Variants in RBBP8 observed in about 807,000 individuals in gnomAD.
The protein encoded by RBBP8 is DNA endonuclease RBBP8.
In RBBP8, 88 loss-of-function variants were observed where a neutral mutation model predicts 108.3. The ratio of observed to expected loss-of-function variants is 0.81; its 90% confidence interval spans 0.68 to 0.97. The LOEUF is 0.97. Among genes scored for constraint, RBBP8 ranks in the 50% least tolerant of loss-of-function variants. The probability of loss-of-function intolerance (pLI) is 0.00; values close to 1 mark genes in which losing one functional copy is unlikely to be tolerated. For missense variants in RBBP8, 1,023 were observed against 1,049.0 expected, an observed-to-expected ratio of 0.98 and a Z score of 0.34; for synonymous variants, 332 against 348.2, an observed-to-expected ratio of 0.95 and a Z score of 0.52.
At chr18:22,993,937 G>C in intron 12 of RBBP8, 90 bp downstream of exon 12, 1 of 1,366,586 alleles carries the variant, frequency 7.3e-7, no homozygotes, top group South Asian at 1.3e-5. Context: ...GAATTGTTTT[G>C]GAAAAAAACT....
chr18:22,943,450 ATT>A (rs1191707797), intron 2 of RBBP8, among the ~76,000 whole-genome samples: 126 of 151,838 alleles, frequency 8.3e-4, no homozygotes, highest in African/African-American at 3.0e-3. Context: ...TAATAATAAT[ATT>A]ATTATTATTA....
intron 2 of RBBP8, among the ~76,000 whole-genome samples, chr18:22,915,804 T>C (rs1300926827): frequency 6.6e-6 from 1 of 152,070 alleles, no homozygotes; most frequent in African/African-American, 2.4e-5. Context: ...GATTCTAATT[T>C]ATTTATTGAG....
rs560494621 is a variant in RBBP8 at position 22,918,025 on chromosome 18, T to A, written c.-154+999T>A. On this transcript the variant is annotated intron_variant, in intron 3 of 4. Transcript: ENST00000577588. ...AAAAAAAAAAAAAAACATATAATGTTGGAAAATATTTTAACCTTCTTAAAT... is the reference window on the plus strand; with the variant it reads ...AAAAAAAAAAAAAAACATATAATGTAGGAAAATATTTTAACCTTCTTAAAT... 9.2e-5 allele frequency among the ~76,000 whole-genome samples: 14 copies of A among 151,990 alleles called. No individual in the cohort carries two copies. In the South Asian group the frequency reaches 2.9e-3, roughly 32 times the overall value.
At chr18:22,931,264 A>G (rs1352754132), upstream of RBBP8, among the ~76,000 whole-genome samples, 1 of 152,168 alleles carries the variant, frequency 6.6e-6, no homozygotes, top group East Asian at 1.9e-4. Flanking sequence ...GGCAGAGACA[A>G]TAGCACGCAA....
intron 3 of RBBP8, among the ~76,000 whole-genome samples, chr18:22,923,236 C>T (rs1310061520): frequency 3.3e-5 from 5 of 152,200 alleles, no homozygotes; most frequent in Non-Finnish European, 7.4e-5. Flanking sequence ...GATCAACAAC[C>T]AAAGTACAGA....
At chr18:22,930,712 T>G (rs2144360351), upstream of RBBP8, among the ~76,000 whole-genome samples, 1 of 152,288 alleles carries the variant, frequency 6.6e-6, no homozygotes, top group East Asian at 1.9e-4. Flanking sequence ...AATATTGATT[T>G]GGTGGCAGAC....
chr18:22,963,187 TTA>T (rs1231732396), intron 4 of RBBP8, among the ~76,000 whole-genome samples: 7 of 152,196 alleles, frequency 4.6e-5, no homozygotes, highest in Non-Finnish European at 7.3e-5. Flanking sequence ...TTAAAAATGT[TTA>T]TGAGCTATCT....
At chr18:22,953,778 C>T (rs899449368) in intron 4 of RBBP8, among the ~76,000 whole-genome samples, 1 of 151,354 alleles carries the variant, frequency 6.6e-6, no homozygotes, top group Non-Finnish European at 1.5e-5. Flanking sequence ...TCCATTTTCA[C>T]GCTGATTTAA....
At chr18:22,990,105 G>C (rs1423699755) in intron 9 of RBBP8, among the ~76,000 whole-genome samples, 1 of 152,070 alleles carries the variant, frequency 6.6e-6, no homozygotes, top group Non-Finnish European at 1.5e-5. Context: ...TTTGAACTTT[G>C]AATGTGTTTT....
At chr18:22,974,887 T>A (rs961502170) in intron 5 of RBBP8, among the ~76,000 whole-genome samples, 1 of 152,210 alleles carries the variant, frequency 6.6e-6, no homozygotes. Flanking sequence ...TACTCCCTAG[T>A]ACATGAAGTA....
rs368600707 is a variant in RBBP8 at position 23,012,207 on chromosome 18, C to CAAAAAAAAA, written c.2358-4621_2358-4620insAAAAAAAAA. 1.3e-3 allele frequency among the ~76,000 whole-genome samples: 102 copies of CAAAAAAAAA among 81,154 alleles called. 26 individuals carry two copies. The highest frequency in any genetic ancestry group is 3.6e-3 in the African/African-American group (76 of 21,382). 53.2% of individuals were successfully genotyped at this position (81,154 alleles called of 152,430 possible). The stretch of plus-strand genomic sequence containing the variant: ...TGGGAGACAAAGTGAGATGCTGTCT[C>CAAAAAAAAA]CAAAAAAAAAAAAAAAAAAAAAAAC... On this transcript the variant is annotated intron_variant, in intron 16 of 18. Transcript: ENST00000327155.
intron 7 of RBBP8, among the ~76,000 whole-genome samples, chr18:22,983,602 A>G (rs1915100153): frequency 1.4e-5 from 1 of 72,480 alleles, no homozygotes; most frequent in East Asian, 4.2e-4. Context: ...AAACAATTCC[A>G]TATTAGGAAA....
At chr18:22,998,467 C>T (rs532248260) in intron 14 of RBBP8, among the ~76,000 whole-genome samples, 10 of 152,326 alleles carry the variant, frequency 6.6e-5, no homozygotes, top group Non-Finnish European at 1.5e-4. Flanking sequence ...TTTTGGTTAG[C>T]AGTACCTTAG....
At chr18:22,968,205 T>C (rs1050970870) in intron 4 of RBBP8, among the ~76,000 whole-genome samples, 2 of 151,960 alleles carry the variant, frequency 1.3e-5, no homozygotes, top group Non-Finnish European at 2.9e-5. Flanking sequence ...CCCGAGTAGC[T>C]GGGACTACAA....
chr18:22,969,674 G>A (rs1913923187), intron 5 of RBBP8, among the ~76,000 whole-genome samples: 1 of 152,088 alleles, frequency 6.6e-6, no homozygotes, highest in Non-Finnish European at 1.5e-5. Flanking sequence ...GGTAACTACT[G>A]TTAATAGTCT....
chr18:22,930,354 A>G (rs1909978564), upstream of RBBP8, among the ~76,000 whole-genome samples: 1 of 152,164 alleles, frequency 6.6e-6, no homozygotes, highest in South Asian at 2.1e-4. Context: ...TCATCTTTTC[A>G]TTACAATATA....
At chr18:22,923,218 A>C (rs1191983612) in intron 3 of RBBP8, among the ~76,000 whole-genome samples, 1 of 152,184 alleles carries the variant, frequency 6.6e-6, no homozygotes, top group East Asian at 1.9e-4. Context: ...TATTACCTTC[A>C]TTTCATTGAT....
intron 2 of RBBP8, among the ~76,000 whole-genome samples, chr18:22,916,571 G>T (rs942848681): frequency 2.0e-5 from 3 of 151,824 alleles, no homozygotes; most frequent in African/African-American, 7.3e-5. Flanking sequence ...GTGTGTTAAT[G>T]AATCTTTGGT....
chr18:23,025,327 A>G (rs2046435540), intron 18 of RBBP8, among the ~76,000 whole-genome samples: 1 of 152,256 alleles, frequency 6.6e-6, no homozygotes, highest in Non-Finnish European at 1.5e-5. Context: ...ATTTAGCTGC[A>G]CAACAAGGAG....
Sources: gnomAD v4.1 joint callset for allele counts (sites outside exome capture counted in the v4.1 genomes callset) on GRCh38, gnomAD v4.1.1 for gene constraint, MANE v1.5 for transcripts, NCBI Gene and HGNC (gene_info 2026-07-23, HGNC 2026-07-21) for gene names.